ERN2: variants seen among roughly 807,000 people sequenced by gnomAD.
ERN2 encodes endoplasmic reticulum to nucleus signaling 2.
Under a neutral mutation model 107.9 loss-of-function variants are expected in ERN2, and 111 were observed. That is an observed-to-expected ratio of 1.03 (90% CI 0.88 to 1.20). The LOEUF is 1.20. Among genes scored for constraint, ERN2 ranks in the 50% most tolerant of loss-of-function variants. ERN2 has a pLI of 0.00. For synonymous variants in ERN2, 524 were observed against 501.7 expected, an observed-to-expected ratio of 1.04 and a Z score of -0.59; for missense variants, 1,225 against 1,197.9, an observed-to-expected ratio of 1.02 and a Z score of -0.33.
At chr16:23,709,998 C>T (rs1199462193) in intron 4 of ERN2, 174 bp downstream of exon 4, 4 of 594,534 alleles carry the variant, frequency 6.7e-6, no homozygotes, top group South Asian at 4.0e-5. Flanking sequence ...GCCAGACCTC[C>T]CCTTACCACC....
chr16:23,693,290 A>AT (rs1435077719), intron 17 of ERN2, among the ~76,000 whole-genome samples: 1 of 151,394 alleles, frequency 6.6e-6, no homozygotes, highest in Admixed American at 6.6e-5. Flanking sequence ...CTGTCTCAAA[A>AT]ATATATATAT....
chr16:23,709,078 C>A, intron 4 of ERN2: 1 of 418,900 alleles, frequency 2.4e-6, no homozygotes, highest in Non-Finnish European at 4.8e-6. Flanking sequence ...CTTATCACTT[C>A]ACCTTCCTAA....
Position 23,702,148 on chromosome 16 carries a change from T to A in ERN2, c.1203+4A>T, listed in dbSNP as rs781668908. 1 of 1,612,380 alleles carries A rather than the reference T, an allele frequency of 6.2e-7. No individual in the cohort carries two copies. Among genetic ancestry groups the A allele is most frequent in the Admixed American group, 1.7e-5 (1 of 59,956 alleles). On this transcript the variant is annotated splice_donor_region_variant and intron_variant, in intron 11 of 21. Coordinates refer to ENST00000256797, the MANE Select transcript of ERN2 (RefSeq NM_033266.4). ...CCCCCACTCTCTCCCCTCCCAGCAC[T>A]GACCTCCAAGAAGAAGGCTGGGGCC...
intron 11 of ERN2, among the ~76,000 whole-genome samples, chr16:23,701,371 T>C (rs889781557): frequency 3.9e-5 from 6 of 152,230 alleles, no homozygotes; most frequent in African/African-American, 1.4e-4. Context: ...ACTAAAAATA[T>C]AGATGTCCAC....
chr16:23,704,699 T>A (rs896757963), intron 8 of ERN2, among the ~76,000 whole-genome samples, 184 bp downstream of exon 8: 1 of 152,094 alleles, frequency 6.6e-6, no homozygotes, highest in East Asian at 1.9e-4. Flanking sequence ...CCGGGGACAC[T>A]TGGAGGGCAG....
chr16:23,697,310 T>TG (rs1403892139), intron 13 of ERN2: 5 of 152,224 alleles, frequency 3.3e-5, no homozygotes, highest in African/African-American at 1.2e-4. Context: ...GTCAGTAAGA[T>TG]GCAGGCAGTA....
chr16:23,702,442 A>G lies in ERN2; in HGVS notation c.1029T>C (p.Ala343=). 6.2e-7 allele frequency: 1 copy of G among 1,613,644 alleles called. No individual in the cohort carries two copies. Among genetic ancestry groups the G allele is most frequent in the Non-Finnish European group, 8.5e-7 (1 of 1,180,028 alleles). The change falls in exon 10 of 22, where the codon GCT becomes GCC. Residue 343 remains alanine (A), a synonymous_variant. Transcript: ENST00000256797. Reference sequence around the variant, plus strand: ...CCACACTGCCTGAGGGGTATCTAACAGCAGTGCTGGGTGAGCCCTCTCGCT... The same window carrying G: ...CCACACTGCCTGAGGGGTATCTAACGGCAGTGCTGGGTGAGCCCTCTCGCT... The part of the protein sequence containing the change: ...SGEREGSPST[A]VRYPSGSVAL...
In ERN2 at chr16:23,702,479, T is replaced by C. The variant is rs1352305274; in HGVS notation, c.992A>G (p.Gln331Arg). 1.2e-6 allele frequency: 2 copies of C among 1,613,634 alleles called. No homozygotes were observed. Among genetic ancestry groups the C allele is most frequent in the East Asian group, 4.5e-5 (2 of 44,892 alleles). Residue 331 changes from glutamine to arginine, a missense_variant, in exon 10 of 22, where the codon CAA becomes CGA. Physicochemically the swap from Gln to Arg is conservative, Grantham distance 43. Transcript: ENST00000256797. ...TGAGCCCTCTCGCTCTCCTGAGACT[T>C]GGAGTGTCACCTCATCTGTGGTGGG... ...DGPTTDEVTLQVSGEREGSPS... is the reference protein window; with the variant it reads ...DGPTTDEVTLRVSGEREGSPS...
intron 1 of ERN2, 31 bp downstream of exon 1, chr16:23,713,064 T>C: frequency 3.4e-6 from 5 of 1,482,466 alleles, no homozygotes; most frequent in Non-Finnish European, 4.5e-6. Context: ...GACCAGACTT[T>C]GGGGACTTGG....
In ERN2 at chr16:23,695,370, C is replaced by A; in HGVS notation, c.1630G>T (p.Ala544Ser). ...CGGAGGAGCCGCTTGACAGCCACTG[C>A]CCGTCCCTCAAACTGTCCCCTGGAA... ...FVFRGQFEGRAVAVKRLLREC... is the reference protein window; with the variant it reads ...FVFRGQFEGRSVAVKRLLREC... Residue 544 changes from alanine to serine, a missense_variant, in exon 15 of 22, where the codon GCA becomes TCA. Coordinates refer to ENST00000256797, the MANE Select transcript of ERN2 (RefSeq NM_033266.4). The A allele has an allele frequency of 6.3e-7, 1 of 1,599,910 alleles. No homozygotes were observed. The highest frequency in any genetic ancestry group is 8.5e-7 in the Non-Finnish European group (1 of 1,173,206).
At chr16:23,692,443 C>T in intron 17 of ERN2, 112 bp from the exon 18 acceptor site, 1 of 1,075,798 alleles carries the variant, frequency 9.3e-7, no homozygotes, top group Non-Finnish European at 1.4e-6. Flanking sequence ...CAGACTGGAA[C>T]TCAAGATGCT....
In ERN2 at chr16:23,710,263, CAAG is replaced by C. The variant is rs1567255393; in HGVS notation, c.234-22_234-20del. 1 of 1,606,916 alleles carries C rather than the reference CAAG, an allele frequency of 6.2e-7. No homozygotes were observed. Among genetic ancestry groups the C allele is most frequent in the Non-Finnish European group, 8.5e-7 (1 of 1,173,456 alleles). On this transcript the variant is annotated intron_variant, in intron 3 of 21. Coordinates refer to ENST00000256797, the MANE Select transcript of ERN2 (RefSeq NM_033266.4). ...GGCCATTCTGTGGAGCAGAGAGAAA[CAAG>C]GAGACCAATGGGTTCTTGCCCCCTG... is the stretch of plus-strand genomic sequence containing the variant.
chr16:23,701,206 T>A, intron 11 of ERN2, 92 bp from the exon 12 acceptor site: 2 of 1,348,798 alleles, frequency 1.5e-6, no homozygotes, highest in Non-Finnish European at 2.0e-6. Context: ...TGGGCTTAGC[T>A]GAAGGGGCAG....
In ERN2 at chr16:23,701,111, A is replaced by G. The variant is rs79436765; in HGVS notation, c.1207T>C (p.Leu403=). Residue 403 remains leucine, a synonymous_variant, in exon 12 of 22, where the codon TTG becomes CTG. Coordinates refer to ENST00000256797, the MANE Select transcript of ERN2 (RefSeq NM_033266.4). ...TQAPAFFLEL[L]SLSREKLWDS... ...CAAAGTTTCTCTCGGCTCAGGCTCA[A>G]TAGCTGGGGATAAAGGGCCCTTCAC... is the stretch of plus-strand genomic sequence containing the variant. 8.1e-6 allele frequency: 13 copies of G among 1,612,614 alleles called. No individual in the cohort carries two copies. The highest frequency in any genetic ancestry group is 1.1e-5 in the Non-Finnish European group (13 of 1,179,572).
intron 20 of ERN2, 23 bp downstream of exon 20, chr16:23,691,279 G>T: frequency 6.2e-7 from 1 of 1,612,360 alleles, no homozygotes; most frequent in Non-Finnish European, 8.5e-7. Flanking sequence ...CACCGCCCAG[G>T]CCCACCTGAG....
rs1567249631 is a variant in ERN2 at position 23,702,219 on chromosome 16, G to GTGGGA, written c.1131_1135dup (p.Thr379IlefsTer27). 6.2e-7 allele frequency: 1 copy of GTGGGA among 1,614,168 alleles called. No individual in the cohort carries two copies. The highest frequency in any genetic ancestry group is 2.2e-5 in the East Asian group (1 of 44,876). On this transcript the variant is annotated frameshift_variant, in exon 11 of 22. Coordinates refer to ENST00000256797, the MANE Select transcript of ERN2 (RefSeq NM_033266.4). LOFTEE classifies it high-confidence loss of function. Reference sequence around the variant, plus strand: ...TGTCTCTGCAGTTCCACTCCCCAGGGTGGGATGGACCCTCAGCATGGTGGT... The same window carrying GTGGGA: ...TGTCTCTGCAGTTCCACTCCCCAGGGTGGGATGGGATGGACCCTCAGCATGGTGGT...
intron 8 of ERN2, 56 bp from the exon 9 acceptor site, chr16:23,702,758 A>T (rs980791174): frequency 4.8e-6 from 7 of 1,449,224 alleles, no homozygotes; most frequent in Non-Finnish European, 6.8e-6. Context: ...GGGTAGTTTC[A>T]GTTATCAAGG....
intron 11 of ERN2, 81 bp downstream of exon 11, chr16:23,702,071 G>C: frequency 6.9e-7 from 1 of 1,443,582 alleles, no homozygotes; most frequent in South Asian, 1.3e-5. Flanking sequence ...ATTCTTAGCA[G>C]CCCGAGGAAA....
At position 23,701,112 on chromosome 16, in the gene ERN2, T is replaced by C; in HGVS notation, c.1206A>G (p.Leu402=). The C allele has an allele frequency of 6.2e-7, 1 of 1,612,722 alleles. No homozygotes were observed. Among genetic ancestry groups the C allele is most frequent in the South Asian group, 1.1e-5 (1 of 90,900 alleles). Residue 402 remains leucine, a splice_region_variant and synonymous_variant, in exon 12 of 22, where the codon CTA becomes CTG. Coordinates refer to ENST00000256797, the MANE Select transcript of ERN2 (RefSeq NM_033266.4). ...NTQAPAFFLE[L]LSLSREKLWD... is the part of the protein sequence containing the mutation. ...AAAGTTTCTCTCGGCTCAGGCTCAATAGCTGGGGATAAAGGGCCCTTCACT... is the reference window on the plus strand; with the variant it reads ...AAAGTTTCTCTCGGCTCAGGCTCAACAGCTGGGGATAAAGGGCCCTTCACT...
Sources: allele counts gnomAD v4.1 joint callset (sites outside exome capture counted in the v4.1 genomes callset), GRCh38; gene constraint gnomAD v4.1.1; transcripts MANE v1.5; gene names NCBI Gene and HGNC (gene_info 2026-07-23, HGNC 2026-07-21).